KLHL10: variants seen among roughly 807,000 people sequenced by gnomAD.
KLHL10 encodes the protein kelch-like protein 10.
Under a neutral mutation model 46.6 loss-of-function variants are expected in KLHL10, and 11 were observed. That is an observed-to-expected ratio of 0.24 (90% confidence interval 0.15 to 0.39). The LOEUF (loss-of-function observed/expected upper bound fraction) is 0.39. KLHL10 is among the 10% of genes least tolerant of loss of function. KLHL10 has a pLI of 1.00. For missense variants in KLHL10, 475 were observed against 789.8 expected (o/e 0.60, Z 4.78); for synonymous variants, 254 against 279.1 (o/e 0.91, Z 0.90).
intron 4 of KLHL10, among the ~76,000 whole-genome samples, chr17:41,847,730 C>T (rs1333561736): frequency 1.8e-4 from 27 of 152,236 alleles, no homozygotes; most frequent in Admixed American, 1.7e-3. Flanking sequence ...TGGTCTCGAT[C>T]TCCTGACTTT....
chr17:41,837,797 C>T (rs2048181294), upstream of KLHL10: 2 of 1,509,878 alleles, frequency 1.3e-6, no homozygotes, highest in South Asian at 2.6e-5. Context: ...GGCCAGGATT[C>T]TGGAACTTGG....
At chr17:41,846,162 A>T (rs1335400727) in intron 3 of KLHL10, among the ~76,000 whole-genome samples, 1 of 151,204 alleles carries the variant, frequency 6.6e-6, no homozygotes, top group Non-Finnish European at 1.5e-5. Flanking sequence ...CAGTGAGCCA[A>T]GATGGCGCCA....
At chr17:41,846,949 T>C (rs1204497691) in intron 3 of KLHL10, among the ~76,000 whole-genome samples, 1 of 152,148 alleles carries the variant, frequency 6.6e-6, no homozygotes, top group East Asian at 1.9e-4. Flanking sequence ...ACCTCGTCTC[T>C]ACTAAAATAC....
intron 1 of KLHL10, among the ~76,000 whole-genome samples, chr17:41,838,450 G>T (rs181882216): frequency 6.6e-6 from 1 of 151,888 alleles, no homozygotes; most frequent in East Asian, 1.9e-4. Flanking sequence ...TCTGTAGAGA[G>T]GGAGTCTCGC....
At position 41,842,217 on chromosome 17, in the gene KLHL10, G is replaced by A. The variant is rs2048234145; in HGVS notation, c.589G>A (p.Val197Ile). ...KDIIEKDELN[V>I]KQEDAVFEAI... ...TATCATTGAGAAAGATGAGCTCAAT[G>A]TCAAACAGGAAGATGCTGTATTTGA... The change falls in exon 2 of 5, where the codon GTC (valine) becomes ATC (isoleucine). Residue 197 changes from valine to isoleucine, a missense_variant. Physicochemically the swap from Val to Ile is conservative, Grantham distance 29 (BLOSUM62 3). Transcript: ENST00000293303. The A allele has an allele frequency of 6.2e-7, 1 of 1,614,042 alleles. No individual in the cohort carries two copies. The highest frequency in any genetic ancestry group is 1.3e-5 in the African/African-American group (1 of 74,928).
Position 41,837,917 on chromosome 17 carries a change from G to A in KLHL10, c.-16G>A, listed in dbSNP as rs782193633. 2.2e-5 allele frequency: 36 copies of A among 1,613,040 alleles called. No individual in the cohort carries two copies. Among genetic ancestry groups the A allele is most frequent in the South Asian group, 7.7e-5 (7 of 91,042 alleles). ...CACCCTAGGAAAGCAGCCTCTCTCCGCTGTCCCAGGGTGCCATGGAGATGG... is the reference window on the plus strand; with the variant it reads ...CACCCTAGGAAAGCAGCCTCTCTCCACTGTCCCAGGGTGCCATGGAGATGG... On this transcript the variant is annotated 5_prime_UTR_variant, in exon 1 of 5. Coordinates refer to ENST00000293303, the MANE Select transcript of KLHL10 (RefSeq NM_152467.5).
At chr17:41,839,233 A>G (rs1241546686) in intron 1 of KLHL10, among the ~76,000 whole-genome samples, 6 of 151,844 alleles carry the variant, frequency 4.0e-5, no homozygotes, top group African/African-American at 1.5e-4. Context: ...TTCGTGATCC[A>G]CCCACCTTGG....
At chr17:41,836,370 GT>G, upstream of KLHL10, 1 of 1,225,598 alleles carries the variant, frequency 8.2e-7, no homozygotes, top group Non-Finnish European at 1.0e-6. Flanking sequence ...GGGCTTGCCG[GT>G]TGCGCTAGGC....
intron 2 of KLHL10, among the ~76,000 whole-genome samples, chr17:41,842,591 G>A (rs1259534153): frequency 6.6e-6 from 1 of 152,122 alleles, no homozygotes; most frequent in Non-Finnish European, 1.5e-5. Flanking sequence ...CCGAGGTGGA[G>A]AATCACTTGA....
intron 2 of KLHL10, among the ~76,000 whole-genome samples, chr17:41,842,827 C>T (rs950844182): frequency 6.6e-6 from 1 of 151,644 alleles, no homozygotes; most frequent in African/African-American, 2.4e-5. Flanking sequence ...ATCCAAGCTA[C>T]TCAAGAGGCT....
In KLHL10 at chr17:41,838,098, A is replaced by G. The variant is rs781897079; in HGVS notation, c.166A>G (p.Ile56Val). The G allele has an allele frequency of 1.9e-6, 3 of 1,614,092 alleles. No homozygotes were observed. Among genetic ancestry groups the G allele is most frequent in the Non-Finnish European group, 2.5e-6 (3 of 1,180,014 alleles). Residue 56 changes from isoleucine (I) to valine (V), a missense_variant, in exon 1 of 5, where the codon ATC (isoleucine) becomes GTC (valine). Physicochemically the swap from Ile to Val is conservative, Grantham distance 29. Transcript: ENST00000293303. Reference protein sequence around the residue: ...NGFEFSAHKNILCSCSSYFRA... With the variant: ...NGFEFSAHKNVLCSCSSYFRA... Reference sequence around the variant, plus strand: ...CTTTGAGTTCAGTGCCCATAAGAACATCCTCTGTAGCTGCAGTTCCTACTT... The same window carrying G: ...CTTTGAGTTCAGTGCCCATAAGAACGTCCTCTGTAGCTGCAGTTCCTACTT...
upstream of KLHL10, chr17:41,837,760 G>A (rs952933898): frequency 7.9e-5 from 113 of 1,423,860 alleles, no homozygotes; most frequent in Non-Finnish European, 1.0e-4. Context: ...GAACCTGAGA[G>A]CACAATCCTG....
upstream of KLHL10, chr17:41,836,054 G>A: frequency 7.1e-7 from 1 of 1,405,216 alleles, no homozygotes; most frequent in Non-Finnish European, 9.3e-7. Context: ...GCGGGGCCGG[G>A]GTGCGCGAGG....
At position 41,848,002 on chromosome 17, in the gene KLHL10, C is replaced by T. The variant is rs782213128; in HGVS notation, c.1522C>T (p.Arg508Cys). 22 of 1,614,070 alleles carry T rather than the reference C, an allele frequency of 1.4e-5. 1 individual carries two copies. The highest frequency in any genetic ancestry group is 2.2e-5 in the East Asian group (1 of 44,898). The change falls in exon 5 of 5, where the codon CGC (arginine) becomes TGC (cysteine). Residue 508 changes from arginine to cysteine, a missense_variant. Transcript: ENST00000293303. ...CTACAGCCCTGTGGCTAACACTTGG[C>T]GCACAATCCCCACTATGTTTAATCC... is the stretch of plus-strand genomic sequence containing the variant. ...EAYSPVANTW[R>C]TIPTMFNPRS...
intron 1 of KLHL10, 64 bp downstream of exon 1, chr17:41,838,190 C>A: frequency 7.4e-7 from 1 of 1,356,630 alleles, no homozygotes; most frequent in East Asian, 2.3e-5. Flanking sequence ...CACTTTGATC[C>A]ATTTTCTGTT....
In KLHL10 at chr17:41,842,196, A is replaced by G. The variant is rs781985566; in HGVS notation, c.568A>G (p.Ile190Val). Reference sequence around the variant, plus strand: ...CTCGGTCACTGAACTTAAGGATATCATTGAGAAAGATGAGCTCAATGTCAA... The same window carrying G: ...CTCGGTCACTGAACTTAAGGATATCGTTGAGAAAGATGAGCTCAATGTCAA... ...ELSVTELKDIIEKDELNVKQE... is the reference protein window; with the variant it reads ...ELSVTELKDIVEKDELNVKQE... Residue 190 changes from isoleucine (I) to valine (V), a missense_variant, in exon 2 of 5, where the codon ATT becomes GTT. Physicochemically the swap from Ile to Val is conservative, Grantham distance 29. Transcript: ENST00000293303. 27 of 1,613,838 alleles carry G rather than the reference A, an allele frequency of 1.7e-5. No individual in the cohort carries two copies. The highest frequency in any genetic ancestry group is 2.3e-5 in the Non-Finnish European group (27 of 1,179,874).
At chr17:41,847,696 A>G (rs2048304354) in intron 4 of KLHL10, among the ~76,000 whole-genome samples, 1 of 152,106 alleles carries the variant, frequency 6.6e-6, no homozygotes, top group Non-Finnish European at 1.5e-5. Flanking sequence ...TAGTAGAGAC[A>G]GGGTTTCACT....
At chr17:41,840,743 A>G (rs903862120) in intron 1 of KLHL10, among the ~76,000 whole-genome samples, 2 of 152,150 alleles carry the variant, frequency 1.3e-5, no homozygotes, top group East Asian at 1.9e-4. Flanking sequence ...AAATTTGGAC[A>G]GAGTCCATAG....
At chr17:41,839,783 G>A (rs1429100159) in intron 1 of KLHL10, among the ~76,000 whole-genome samples, 1 of 152,156 alleles carries the variant, frequency 6.6e-6, no homozygotes, top group Admixed American at 6.5e-5. Context: ...CACAATCTCA[G>A]CTCACTGCAA....
Sources: allele counts gnomAD v4.1 joint callset (sites outside exome capture counted in the v4.1 genomes callset), GRCh38; gene constraint gnomAD v4.1.1; transcripts MANE v1.5; gene names NCBI Gene and HGNC (gene_info 2026-07-23, HGNC 2026-07-21).